The following NRCAM variants were observed in gnomAD, a reference collection of about 807,000 sequenced individuals.
NRCAM encodes the protein NgCAM-related cell adhesion molecule.
A neutral mutation model predicts 156.5 loss-of-function variants in NRCAM; 83 were observed. The observed-to-expected ratio is 0.53, with a 90% CI of 0.44 to 0.64. The LOEUF is 0.64. Among genes scored for constraint, NRCAM ranks in the 30% least tolerant of loss-of-function variants. The probability of loss-of-function intolerance (pLI) is 0.00; values close to 1 mark genes in which losing one functional copy is unlikely to be tolerated. For synonymous variants in NRCAM, 538 were observed against 563.9 expected (o/e 0.95, Z 0.65); for missense variants, 1,417 against 1,597.3 (o/e 0.89, Z 1.92).
intron 24 of NRCAM, among the ~76,000 whole-genome samples, chr7:108,181,171 C>T (rs56325000): frequency 0.018 from 2,539 of 142,048 alleles, 71 homozygotes; most frequent in African/African-American, 0.062. Context: ...TCAACATTTA[C>T]ATGGAATCTG....
At chr7:108,343,037 G>C (rs898652080) in intron 2 of NRCAM, among the ~76,000 whole-genome samples, 2 of 152,176 alleles carry the variant, frequency 1.3e-5, no homozygotes, top group East Asian at 3.9e-4. Flanking sequence ...GCCACTCAAG[G>C]GGACCTTTTA....
At chr7:108,194,513 T>G (rs758661522) in intron 15 of NRCAM, 85 bp from the exon 16 acceptor site, 1 of 863,998 alleles carries the variant, frequency 1.2e-6, no homozygotes, top group East Asian at 2.6e-5. Context: ...AAGGTCAACA[T>G]GACCATGATG....
intron 1 of NRCAM, among the ~76,000 whole-genome samples, chr7:108,400,769 C>A (rs2099790114): frequency 6.6e-6 from 1 of 152,018 alleles, no homozygotes; most frequent in Admixed American, 6.5e-5. Flanking sequence ...AAGGTCCAAG[C>A]AAAGCAGCAG....
intron 3 of NRCAM, among the ~76,000 whole-genome samples, chr7:108,276,834 T>C (rs1280523412): frequency 6.6e-6 from 1 of 152,234 alleles, no homozygotes; most frequent in East Asian, 1.9e-4. Context: ...ATAGCGTTGA[T>C]GGTCTTTACA....
At chr7:108,178,500 T>G in intron 25 of NRCAM, 1 of 251,402 alleles carries the variant, frequency 4.0e-6, no homozygotes, top group South Asian at 4.2e-5. Flanking sequence ...TTCTGGACCA[T>G]TAAGGACTGT....
chr7:108,168,387 G>C lies in NRCAM; in HGVS notation c.3203C>G (p.Pro1068Arg). 6.2e-7 allele frequency: 1 copy of C among 1,602,360 alleles called. No individual in the cohort carries two copies. The highest frequency in any genetic ancestry group is 8.5e-7 in the Non-Finnish European group (1 of 1,175,470). The change falls in exon 29 of 33, where the codon CCC becomes CGC. Residue 1068 changes from proline to arginine, a missense_variant. By Grantham distance (103) the Pro-to-Arg change is moderately radical. Coordinates refer to ENST00000379028, the MANE Select transcript of NRCAM (RefSeq NM_001037132.4). ...VGAGKVQAVN[P>R]RISNLTAAAA... Reference sequence around the variant, plus strand: ...TGCAGCAGTAAGATTGCTGATCCTGGGATTTACTGCTTGAACTAAACATAC... The same window carrying C: ...TGCAGCAGTAAGATTGCTGATCCTGCGATTTACTGCTTGAACTAAACATAC...
At position 108,160,506 on chromosome 7, in the gene NRCAM, C is replaced by G. The variant is rs748456302; in HGVS notation, c.3467-14G>C. 1 of 1,612,536 alleles carries G rather than the reference C, an allele frequency of 6.2e-7. No individual in the cohort carries two copies. The highest frequency in any genetic ancestry group is 1.3e-5 in the African/African-American group (1 of 74,860). ...GGCTTGCCATCGCTGGAAAACAAATCAATGGTGTTGGTGGCAATAGGTTAA... is the reference window on the plus strand; with the variant it reads ...GGCTTGCCATCGCTGGAAAACAAATGAATGGTGTTGGTGGCAATAGGTTAA... On this transcript the variant is annotated splice_polypyrimidine_tract_variant and intron_variant, in intron 30 of 32. Transcript: ENST00000379028.
chr7:108,331,227 C>T (rs73418473), intron 2 of NRCAM, among the ~76,000 whole-genome samples: 1,542 of 151,904 alleles, frequency 0.01, 26 homozygotes, highest in African/African-American at 0.034. Flanking sequence ...AGTGAGACCT[C>T]GTCTCTATAT....
intron 1 of NRCAM, among the ~76,000 whole-genome samples, chr7:108,407,444 G>A (rs183250399): frequency 5.9e-5 from 9 of 152,296 alleles, no homozygotes; most frequent in Non-Finnish European, 7.4e-5. Flanking sequence ...GATATATGGA[G>A]CATTATTCAA....
chr7:108,443,063 T>C (rs1840407940), intron 1 of NRCAM, among the ~76,000 whole-genome samples: 1 of 152,220 alleles, frequency 6.6e-6, no homozygotes, highest in South Asian at 2.1e-4. Context: ...AAATGGTCCA[T>C]GTATTAAAAT....
At chr7:108,348,731 T>C (rs2099388320) in intron 2 of NRCAM, among the ~76,000 whole-genome samples, 1 of 139,256 alleles carries the variant, frequency 7.2e-6, no homozygotes, top group South Asian at 2.3e-4. Context: ...CTGGCCAATA[T>C]GGTGAAACTT....
At chr7:108,380,759 C>T (rs2099697205) in intron 2 of NRCAM, among the ~76,000 whole-genome samples, 2 of 152,158 alleles carry the variant, frequency 1.3e-5, no homozygotes, top group Admixed American at 1.3e-4. Context: ...GCAGCCTCAG[C>T]TTCCTGGGCT....
chr7:108,290,628 T>A (rs1255412495), intron 3 of NRCAM, among the ~76,000 whole-genome samples: 1 of 152,174 alleles, frequency 6.6e-6, no homozygotes, highest in Non-Finnish European at 1.5e-5. Flanking sequence ...TGTGGTAATG[T>A]TTTTCTGAAT....
chr7:108,162,910 G>A (rs879825334), intron 30 of NRCAM, among the ~76,000 whole-genome samples: 24 of 152,152 alleles, frequency 1.6e-4, no homozygotes, highest in Admixed American at 9.2e-4. Flanking sequence ...TTAAATTCCA[G>A]AATGATTAAA....
rs540600854 is a variant in NRCAM, at chr7:108,178,184, C to G, written c.2852-72G>C. 165 of 1,487,198 alleles carry G rather than the reference C, an allele frequency of 1.1e-4. No homozygotes were observed. In the African/African-American group the frequency reaches 2.1e-3, roughly 19 times the overall value. The allele number at this position is 1,487,198 out of a possible 1,614,324, so 92.1% of individuals were successfully genotyped here. ...AACATGTATTAAATTGACATTTCAC[C>G]GTGCTCGCACGATTCAAGGTTTTGA... On this transcript the variant is annotated intron_variant, in intron 25 of 32. Coordinates refer to ENST00000379028, the MANE Select transcript of NRCAM (RefSeq NM_001037132.4).
At chr7:108,399,979 C>T (rs950767933) in intron 1 of NRCAM, among the ~76,000 whole-genome samples, 2 of 152,090 alleles carry the variant, frequency 1.3e-5, no homozygotes, top group East Asian at 1.9e-4. Flanking sequence ...AACAACAGGC[C>T]GTGGCGGGGA....
chr7:108,214,392 TTA>T (rs2086630806), intron 11 of NRCAM, among the ~76,000 whole-genome samples: 1 of 152,234 alleles, frequency 6.6e-6, no homozygotes, highest in East Asian at 1.9e-4. Flanking sequence ...GTAGAGGTGT[TTA>T]TAGTATTCTC....
chr7:108,291,773 T>C (rs2098299223), intron 3 of NRCAM, among the ~76,000 whole-genome samples: 1 of 152,162 alleles, frequency 6.6e-6, no homozygotes, highest in Non-Finnish European at 1.5e-5. Flanking sequence ...TAAGAGGAGT[T>C]GCAACCTGAC....
chr7:108,227,015 C>G (rs181204284), intron 8 of NRCAM, among the ~76,000 whole-genome samples: 1 of 152,178 alleles, frequency 6.6e-6, no homozygotes, highest in Admixed American at 6.5e-5. Flanking sequence ...GTTCCTCCAC[C>G]TCCTCTACAA....
Sources: gnomAD v4.1 joint callset for allele counts (sites outside exome capture counted in the v4.1 genomes callset) on GRCh38, gnomAD v4.1.1 for gene constraint, MANE v1.5 for transcripts, NCBI Gene and HGNC (gene_info 2026-07-23, HGNC 2026-07-21) for gene names.